The following HOXA3 variants were observed in gnomAD, a reference collection of about 807,000 sequenced individuals.
The protein encoded by HOXA3 is homeobox protein Hox-A3.
In HOXA3, 8 loss-of-function variants were observed where a neutral mutation model predicts 30.3. The ratio of observed to expected loss-of-function variants is 0.26; its 90% confidence interval spans 0.15 to 0.48. HOXA3 has a LOEUF of 0.48. Among genes scored for constraint, HOXA3 ranks in the 20% least tolerant of loss-of-function variants. The probability of loss-of-function intolerance (pLI) is 0.99; values close to 1 mark genes in which losing one functional copy is unlikely to be tolerated. For synonymous variants in HOXA3, 323 were observed against 273.1 expected (o/e 1.18, Z -1.80); for missense variants, 653 against 614.4 (o/e 1.06, Z -0.66).
chr7:27,118,655 T>C (rs1784856039), intron 4 of HOXA3, among the ~76,000 whole-genome samples: 1 of 152,202 alleles, frequency 6.6e-6, no homozygotes, highest in Non-Finnish European at 1.5e-5. Context: ...GTTACAGCAA[T>C]GCTATTCACA....
At chr7:27,152,096 G>A (rs113779914) in intron 1 of HOXA3, among the ~76,000 whole-genome samples, 192 bp downstream of exon 1, 1 of 37,232 alleles carries the variant, frequency 2.7e-5, no homozygotes, top group East Asian at 1.3e-3. Flanking sequence ...GTGTGTGTGC[G>A]TGCGCGCGTG....
At chr7:27,130,096 C>T in intron 2 of HOXA3, 1 of 1,583,850 alleles carries the variant, frequency 6.3e-7, no homozygotes, top group Admixed American at 1.7e-5. Flanking sequence ...ACCTCCCGCG[C>T]CTCCCAAGCG....
chr7:27,110,668 A>G lies in HOXA3; in HGVS notation c.-28T>C. 1 of 1,593,374 alleles carries G rather than the reference A, an allele frequency of 6.3e-7. No homozygotes were observed. Among genetic ancestry groups the G allele is most frequent in the South Asian group, 1.1e-5 (1 of 90,732 alleles). On this transcript the variant is annotated 5_prime_UTR_variant, in exon 5 of 6. Transcript: ENST00000612286. ...CGTTGTTTCACGATCTTGATCGCAC[A>G]CTCTGACAGGGGTTTGACACCCGTG...
At chr7:27,142,995 C>G (rs747387275) in intron 1 of HOXA3, 6 of 1,450,058 alleles carry the variant, frequency 4.1e-6, no homozygotes, top group Non-Finnish European at 4.6e-6. Flanking sequence ...GAGGGGGGAC[C>G]GAGAGCCGCG....
chr7:27,107,352 T>TA lies in HOXA3; in HGVS notation c.*562dup, dbSNP rs1273143440. ...ATGGGGATAAATAATATTTAAAACT[T>TA]AGATTATTCAATGCTTGCAAAAAAA... is the stretch of plus-strand genomic sequence containing the variant. On this transcript the variant is annotated 3_prime_UTR_variant, in exon 6 of 6. Coordinates refer to ENST00000612286, the MANE Select transcript of HOXA3 (RefSeq NM_153631.3). 8.5e-5 allele frequency: 13 copies of TA among 152,174 alleles called. No individual in the cohort carries two copies. The highest frequency in any genetic ancestry group is 3.1e-4 in the African/African-American group (13 of 41,440). The allele number at this position is 152,174 out of a possible 1,614,324, so 9.4% of individuals were successfully genotyped here.
Position 27,113,860 on chromosome 7 carries a change from C to A in HOXA3, c.-120-3100G>T, listed in dbSNP as rs1429274087. The A allele has an allele frequency of 6.6e-6, 1 of 151,186 alleles. No individual in the cohort carries two copies. Among genetic ancestry groups the A allele is most frequent in the Non-Finnish European group, 1.5e-5 (1 of 67,478 alleles). The allele number at this position is 151,186 out of a possible 1,614,324, so 9.4% of individuals were successfully genotyped here. A position where few individuals can be genotyped will look rare whatever the true frequency, so the allele number is the denominator to read the frequency against. Reference sequence around the variant, plus strand: ...GGCCGACTGGGGCGGCTTGGACCCCCCTCCCACCCACCCCACCCACCCACC... The same window carrying A: ...GGCCGACTGGGGCGGCTTGGACCCCACTCCCACCCACCCCACCCACCCACC... On this transcript the variant is annotated intron_variant, in intron 4 of 5. Coordinates refer to ENST00000612286, the MANE Select transcript of HOXA3 (RefSeq NM_153631.3). The surrounding 1 kb of genome is among the most constrained non-coding windows in gnomAD (Gnocchi z 4.8).
At chr7:27,143,330 G>C (rs1362815432) in intron 1 of HOXA3, 1 of 1,595,984 alleles carries the variant, frequency 6.3e-7, no homozygotes, top group Non-Finnish European at 8.5e-7. Context: ...AGGAGAGTGC[G>C]TGGACGTGGC....
At position 27,110,780 on chromosome 7, in the gene HOXA3, A is replaced by C; in HGVS notation, c.-120-20T>G. On this transcript the variant is annotated intron_variant, in intron 4 of 5. Coordinates refer to ENST00000612286, the MANE Select transcript of HOXA3 (RefSeq NM_153631.3). ...GCAGACCTGGTGGGGCGAGAAGCGC[A>C]GCGCGGTGAGGGCTCCGCGCAAATC... 3 of 1,315,578 alleles carry C rather than the reference A, an allele frequency of 2.3e-6. No individual in the cohort carries two copies. The highest frequency in any genetic ancestry group is 1.4e-5 in the African/African-American group (1 of 69,340). 81.5% of individuals were successfully genotyped at this position (1,315,578 alleles called of 1,614,324 possible). A position where few individuals can be genotyped will look rare whatever the true frequency, so the allele number is the denominator to read the frequency against.
At chr7:27,144,399 G>A (rs1027753001) in intron 1 of HOXA3, among the ~76,000 whole-genome samples, 2 of 152,198 alleles carry the variant, frequency 1.3e-5, no homozygotes, top group Non-Finnish European at 2.9e-5. Flanking sequence ...TTTGTGTAGT[G>A]TTTCTCCAAG....
At position 27,108,348 on chromosome 7, in the gene HOXA3, G is replaced by T. The variant is rs150165110; in HGVS notation, c.899C>A (p.Pro300His). 3 of 1,519,254 alleles carry T rather than the reference G, an allele frequency of 2.0e-6. No homozygotes were observed. The East Asian group carries it at 6.8e-5, about 34-fold the overall frequency. 94.1% of individuals were successfully genotyped at this position (1,519,254 alleles called of 1,614,324 possible). A position where few individuals can be genotyped will look rare whatever the true frequency, so the allele number is the denominator to read the frequency against. Reference protein sequence around the residue: ...EPQSPPPFSKPPQGTYGLPPA... With the variant: ...EPQSPPPFSKHPQGTYGLPPA... ...GGGCAGCCCGTAGGTACCCTGGGGG[G>T]GCTTGGAGAAGGGCGGGGGCGACTG... Residue 300 changes from proline (P) to histidine (H), a missense_variant, in exon 6 of 6, where the codon CCC becomes CAC. Coordinates refer to ENST00000612286, the MANE Select transcript of HOXA3 (RefSeq NM_153631.3). The surrounding 1 kb of genome is among the most constrained non-coding windows in gnomAD (Gnocchi z 5.0).
Position 27,108,414 on chromosome 7 carries a change from T to C in HOXA3, c.833A>G (p.Asn278Ser). The C allele has an allele frequency of 1.2e-6, 2 of 1,612,304 alleles. No homozygotes were observed. The highest frequency in any genetic ancestry group is 1.1e-5 in the South Asian group (1 of 90,984). The change falls in exon 6 of 6, where the codon AAC becomes AGC. Residue 278 changes from asparagine to serine, a missense_variant. Around this residue, in one of 3 missense-constraint regions of HOXA3, gnomAD observed 330 missense variants for 274.4 expected, o/e 1.20. Transcript: ENST00000612286. The surrounding 1 kb of genome is among the most constrained non-coding windows in gnomAD (Gnocchi z 5.0). ...PVPPGAGGYL[N>S]SMHSLVNSVP... ...GCTGTTGACCAGCGAATGCATAGAG[T>C]TCAGATAGCCACCGGCTCCGGGGGG...
intron 1 of HOXA3, chr7:27,150,452 C>T (rs985306720): frequency 6.6e-6 from 1 of 152,518 alleles, no homozygotes; most frequent in Non-Finnish European, 1.5e-5. Context: ...TGAAGGCCAC[C>T]TCGGTCCAGC....
intron 1 of HOXA3, chr7:27,147,892 G>C (rs554425285): frequency 3.8e-6 from 3 of 790,248 alleles, no homozygotes; most frequent in Admixed American, 2.9e-5. Context: ...ACGCGGCGGC[G>C]GCCAATGGGA....
intron 1 of HOXA3, 183 bp from the exon 2 acceptor site, chr7:27,140,369 C>G (rs964404522): frequency 1.3e-4 from 20 of 152,134 alleles, no homozygotes; most frequent in African/African-American, 4.8e-4. Flanking sequence ...TAGACAAAAC[C>G]CTATTCATTT....
At chr7:27,141,034 G>C (rs1441038250) in intron 1 of HOXA3, 1 of 143,136 alleles carries the variant, frequency 7.0e-6, no homozygotes, top group Non-Finnish European at 1.5e-5. Flanking sequence ...TCACTATTTG[G>C]CACAAACCAG....
chr7:27,133,509 T>C (rs998501376), intron 2 of HOXA3, among the ~76,000 whole-genome samples: 4 of 152,244 alleles, frequency 2.6e-5, no homozygotes, highest in Non-Finnish European at 5.9e-5. Context: ...GAAAGCGTTA[T>C]CCTTTCCTTA....
chr7:27,139,434 G>A (rs1166253371), intron 2 of HOXA3, among the ~76,000 whole-genome samples: 1 of 152,186 alleles, frequency 6.6e-6, no homozygotes, highest in African/African-American at 2.4e-5. Context: ...TGGAGGTGCA[G>A]CCCCAGCCTC....
intron 1 of HOXA3, chr7:27,147,646 A>C (rs750229263): frequency 1.2e-6 from 2 of 1,614,208 alleles, no homozygotes; most frequent in South Asian, 2.2e-5. Context: ...GAAGGGCCTC[A>C]GCGCGTCATA....
intron 5 of HOXA3, among the ~76,000 whole-genome samples, chr7:27,109,616 G>A (rs1784244740): frequency 6.6e-6 from 1 of 152,238 alleles, no homozygotes; most frequent in Non-Finnish European, 1.5e-5. Flanking sequence ...CTAAGTCTGA[G>A]TAGGGTCTTC....
Sources: allele counts gnomAD v4.1 joint callset (sites outside exome capture counted in the v4.1 genomes callset), GRCh38; gene constraint gnomAD v4.1.1; regional missense constraint gnomAD v4.1.1; non-coding constraint Gnocchi (gnomAD v3.1); transcripts MANE v1.5; gene names NCBI Gene and HGNC (gene_info 2026-07-23, HGNC 2026-07-21).